Variants in NAA25 observed in about 807,000 individuals in gnomAD.
NAA25 encodes N-alpha-acetyltransferase 25, NatB auxiliary subunit.
NAA25 carries 30 observed loss-of-function variants against 132.5 expected under a neutral mutation model. The observed-to-expected ratio is 0.23, with a 90% CI of 0.17 to 0.31. NAA25 has a LOEUF of 0.31. Ranked by LOEUF, NAA25 falls within the 10% of genes least tolerant of loss-of-function variation. The pLI is 1.00. For missense variants in NAA25, 771 were observed against 1,150.4 expected, an observed-to-expected ratio of 0.67 and a Z score of 4.77; for synonymous variants, 359 against 401.9, an observed-to-expected ratio of 0.89 and a Z score of 1.28.
At chr12:112,085,927 G>C (rs943044797) in intron 4 of NAA25, among the ~76,000 whole-genome samples, 7 of 139,392 alleles carry the variant, frequency 5.0e-5, no homozygotes, top group Non-Finnish European at 1.1e-4. Flanking sequence ...TGAGGCAGAA[G>C]AATCGCTTGA....
intron 7 of NAA25, among the ~76,000 whole-genome samples, chr12:112,077,620 T>C (rs550390701): frequency 1.3e-5 from 2 of 152,052 alleles, no homozygotes; most frequent in East Asian, 3.9e-4. Context: ...CTCATCTCTT[T>C]AAAATAAATA....
Position 112,061,327 on chromosome 12 carries a change from A to G in NAA25, c.1211T>C (p.Leu404Pro). The G allele has an allele frequency of 6.2e-7, 1 of 1,614,218 alleles. No homozygotes were observed. The highest frequency in any genetic ancestry group is 8.5e-7 in the Non-Finnish European group (1 of 1,180,028). ...LSTPTEDKLA[L>P]PADIRALQQH... Reference sequence around the variant, plus strand: ...CTGCAGAGCTCTGATGTCAGCAGGCAGTGCCAGCTTATCCTCTGTTGGTGT... The same window carrying G: ...CTGCAGAGCTCTGATGTCAGCAGGCGGTGCCAGCTTATCCTCTGTTGGTGT... The change falls in exon 12 of 24, where the codon CTG becomes CCG. Residue 404 changes from leucine to proline, a missense_variant. This residue lies in a region of NAA25 where 417 missense variants were observed against 733.8 expected (regional missense o/e 0.57). Coordinates refer to ENST00000261745, the MANE Select transcript of NAA25 (RefSeq NM_024953.4).
In NAA25 at chr12:112,088,531, T is replaced by A. The variant is rs551604787; in HGVS notation, c.284-730A>T. On this transcript the variant is annotated intron_variant, in intron 3 of 23. Coordinates refer to ENST00000261745, the MANE Select transcript of NAA25 (RefSeq NM_024953.4). ...CAGTGTTTCGCCATGTTGCCCAGGC[T>A]GTACTATAGCATTTATTAACACATA... 2.5e-3 allele frequency among the ~76,000 whole-genome samples: 382 copies of A among 151,906 alleles called. 4 individuals carry two copies. The highest frequency in any genetic ancestry group is 8.7e-3 in the African/African-American group (360 of 41,458).
At chr12:112,036,636 G>A (rs2078226641) in intron 22 of NAA25, among the ~76,000 whole-genome samples, 1 of 152,028 alleles carries the variant, frequency 6.6e-6, no homozygotes, top group African/African-American at 2.4e-5. Context: ...ATCACCTGAG[G>A]TCAGGAGTTA....
chr12:112,066,504 G>C (rs893636620), intron 11 of NAA25, among the ~76,000 whole-genome samples: 3 of 113,056 alleles, frequency 2.7e-5, no homozygotes, highest in African/African-American at 8.4e-5. Context: ...GCTGGTCCCT[G>C]TTTTCCTCCC....
intron 17 of NAA25, among the ~76,000 whole-genome samples, chr12:112,047,340 T>A (rs2078401219): frequency 1.3e-5 from 2 of 151,692 alleles, no homozygotes; most frequent in Admixed American, 1.3e-4. Context: ...CAAACAATTC[T>A]CCTGCCTCAG....
At chr12:112,089,736 G>A (rs1004762790) in intron 3 of NAA25, among the ~76,000 whole-genome samples, 11 of 151,848 alleles carry the variant, frequency 7.2e-5, no homozygotes, top group Admixed American at 6.6e-4. Flanking sequence ...GCTCACGGCT[G>A]TAATCCCAGC....
chr12:112,037,952 G>A (rs1383136867), intron 22 of NAA25, among the ~76,000 whole-genome samples: 3 of 151,968 alleles, frequency 2.0e-5, no homozygotes, highest in Admixed American at 6.6e-5. Context: ...GATCCCTGAC[G>A]GCATTCTAGT....
rs1248288412 is a variant in NAA25, at chr12:112,078,730, T to C, written c.489A>G (p.Ala163=). 6.2e-7 allele frequency: 1 copy of C among 1,613,188 alleles called. No individual in the cohort carries two copies. Among genetic ancestry groups the C allele is most frequent in the Middle Eastern group, 1.7e-4 (1 of 6,056 alleles). ...VMSLIMQSIS[A]QDENLSKTMF... ...TTGTTTTTGAGAGGTTTTCATCCTG[T>C]GCCGATATAGACTGAAAGAAGAAAA... is the stretch of plus-strand genomic sequence containing the variant. Residue 163 remains alanine, a synonymous_variant, in exon 6 of 24, where the codon GCA becomes GCG. Coordinates refer to ENST00000261745, the MANE Select transcript of NAA25 (RefSeq NM_024953.4).
At position 112,043,140 on chromosome 12, in the gene NAA25, T is replaced by C. The variant is rs1464411529; in HGVS notation, c.2322A>G (p.Ile774Met). The C allele has an allele frequency of 6.2e-7, 1 of 1,613,380 alleles. No individual in the cohort carries two copies. Among genetic ancestry groups the C allele is most frequent in the African/African-American group, 1.3e-5 (1 of 74,916 alleles). Residue 774 changes from isoleucine (I) to methionine (M), a missense_variant, in exon 19 of 24, where the codon ATA (isoleucine) becomes ATG (methionine). Physicochemically the swap from Ile to Met is conservative, Grantham distance 10. This residue lies in a region of NAA25 where 324 missense variants were observed against 400.0 expected (regional missense o/e 0.81). Coordinates refer to ENST00000261745, the MANE Select transcript of NAA25 (RefSeq NM_024953.4). ...TATCATTGACAAGATAAAAAGAGCT[T>C]ATCTGGCACTGAGAACAGCCAGAAT... ...FFNSGCSQCQISSFYLVNDIY... is the reference protein window; with the variant it reads ...FFNSGCSQCQMSSFYLVNDIY...
At chr12:112,047,906 A>G (rs1372896863) in intron 16 of NAA25, 116 bp from the exon 17 acceptor site, 1 of 1,087,072 alleles carries the variant, frequency 9.2e-7, no homozygotes, top group African/African-American at 1.6e-5. Flanking sequence ...AGGGCTCATA[A>G]TAAGGTGAAA....
chr12:112,094,598 T>C (rs2079185667), intron 1 of NAA25, among the ~76,000 whole-genome samples: 1 of 152,086 alleles, frequency 6.6e-6, no homozygotes, highest in South Asian at 2.1e-4. Flanking sequence ...ACCCATAAGA[T>C]TGGGAGGTAG....
Position 112,033,392 on chromosome 12 carries a change from T to A in NAA25, c.2650-13A>T. The A allele has an allele frequency of 6.3e-7, 1 of 1,590,776 alleles. No individual in the cohort carries two copies. Among genetic ancestry groups the A allele is most frequent in the Admixed American group, 1.9e-5 (1 of 53,132 alleles). Reference sequence around the variant, plus strand: ...TAAAGACAGGTGGCTGGGAAAAAGATTAAAAAAGAGTTGAAACATTATCAA... The same window carrying A: ...TAAAGACAGGTGGCTGGGAAAAAGAATAAAAAAGAGTTGAAACATTATCAA... On this transcript the variant is annotated splice_polypyrimidine_tract_variant and intron_variant, in intron 22 of 23. Transcript: ENST00000261745.
intron 21 of NAA25, 84 bp downstream of exon 21, chr12:112,040,397 C>G: frequency 2.6e-6 from 2 of 756,720 alleles, no homozygotes; most frequent in South Asian, 1.6e-5. Context: ...GTATAAGGTG[C>G]CTATTACCTG....
Position 112,053,678 on chromosome 12 carries a change from G to GA in NAA25, c.1629-22dup, listed in dbSNP as rs531442884. 2.2e-3 allele frequency: 2,912 copies of GA among 1,312,216 alleles called. 8 individuals are homozygous for GA. Among genetic ancestry groups the GA allele is most frequent in the Middle Eastern group, 5.9e-3 (31 of 5,280 alleles). 81.3% of individuals were successfully genotyped at this position (1,312,216 alleles called of 1,614,324 possible). A position where few individuals can be genotyped will look rare whatever the true frequency, so the allele number is the denominator to read the frequency against. ...GATAACTAGATCAGAAGGAAAGAAG[G>GA]AAAAAAAAAGACATGTTATACTTAC... is the stretch of plus-strand genomic sequence containing the variant. On this transcript the variant is annotated intron_variant, in intron 14 of 23. Transcript: ENST00000261745.
intron 13 of NAA25, among the ~76,000 whole-genome samples, chr12:112,056,173 A>C (rs2078542562): frequency 6.6e-6 from 1 of 152,116 alleles, no homozygotes; most frequent in Non-Finnish European, 1.5e-5. Flanking sequence ...TTCTCTACTA[A>C]AAATACAAAA....
intron 5 of NAA25, among the ~76,000 whole-genome samples, chr12:112,080,604 G>A (rs956616616): frequency 5.3e-5 from 8 of 152,030 alleles, no homozygotes; most frequent in African/African-American, 7.2e-5. Flanking sequence ...GGGTTCAAGC[G>A]ACCCTCCTGC....
chr12:112,039,030 T>TA (rs1316695122), intron 22 of NAA25, among the ~76,000 whole-genome samples, 199 bp downstream of exon 22: 16 of 151,684 alleles, frequency 1.1e-4, no homozygotes, highest in South Asian at 4.2e-4. Context: ...TGATGAGCTT[T>TA]AAAAAAAAAC....
At chr12:112,066,041 C>CT (rs2078713684) in intron 11 of NAA25, among the ~76,000 whole-genome samples, 1 of 152,180 alleles carries the variant, frequency 6.6e-6, no homozygotes, top group Admixed American at 6.5e-5. Context: ...AGAGCAGTGA[C>CT]TAGAGCTTAT....
Sources: gnomAD v4.1 joint callset for allele counts (sites outside exome capture counted in the v4.1 genomes callset) on GRCh38, gnomAD v4.1.1 for gene constraint, gnomAD v4.1.1 regional missense constraint, MANE v1.5 for transcripts, NCBI Gene and HGNC (gene_info 2026-07-23, HGNC 2026-07-21) for gene names.